RANBP2: variants seen among roughly 807,000 people sequenced by gnomAD.
The protein encoded by RANBP2 is RAN binding protein 2, also known as E3 SUMO-protein ligase RanBP2.
RANBP2 carries 57 observed loss-of-function variants against 303.6 expected under a neutral mutation model. The ratio of observed to expected loss-of-function variants is 0.19; its 90% CI spans 0.15 to 0.23. The LOEUF (loss-of-function observed/expected upper bound fraction) is 0.23, where lower values mean the gene tolerates loss of function less well. Among genes scored for constraint, RANBP2 ranks in the 10% least tolerant of loss-of-function variants. The probability of loss-of-function intolerance (pLI) is 1.00; values close to 1 mark genes in which losing one functional copy is unlikely to be tolerated. For synonymous variants in RANBP2, 1,167 were observed against 1,301.5 expected (o/e 0.90, Z 2.23); for missense variants, 3,138 against 3,780.8 (o/e 0.83, Z 4.46).
chr2:109,652,437 G>A, the RANBP2 span, among the ~76,000 whole-genome samples: 1 of 152,284 alleles, frequency 6.6e-6, no homozygotes, highest in African/African-American at 2.4e-5. Flanking sequence ...GTGTTAGCCA[G>A]GATGGTCTTG....
Position 108,729,212 on chromosome 2 carries a change from T to C in RANBP2, c.140+13T>C, listed in dbSNP as rs779150518. 10 of 1,562,918 alleles carry C rather than the reference T, an allele frequency of 6.4e-6. No individual in the cohort carries two copies. In the Admixed American group the frequency reaches 1.0e-4, roughly 16 times the overall value. ...ATCTTGCTAAAAAGTAAGTACAAAC[T>C]GTAACATGTATTTTTTTTTTAAAAT... On this transcript the variant is annotated intron_variant, in intron 2 of 28. Transcript: ENST00000283195.
rs527879548 is a variant in RANBP2, at chr2:108,770,738, G to A, written c.7850-963G>A. Among the ~76,000 whole-genome samples the A allele has an allele frequency of 1.1e-4, 16 of 152,268 alleles. No homozygotes were observed. The South Asian group carries it at 3.3e-3, about 32-fold the overall frequency. ...TATTGATAGATTTGATTTAACTTAT[G>A]TCCAAAATATCATTTTAACTTCTAA... On this transcript the variant is annotated intron_variant, in intron 20 of 28. Transcript: ENST00000283195.
chr2:108,799,771 T>C, the RANBP2 span, among the ~76,000 whole-genome samples: 1 of 152,182 alleles, frequency 6.6e-6, no homozygotes, highest in Non-Finnish European at 1.5e-5. Context: ...CCTTGTGCTA[T>C]TTCCCCAAAG....
chr2:109,031,386 C>T, the RANBP2 span, among the ~76,000 whole-genome samples: 4 of 152,136 alleles, frequency 2.6e-5, no homozygotes, highest in Admixed American at 1.3e-4. Context: ...TTCCTCCAGC[C>T]TTCTTATAAG....
At chr2:109,398,387 C>T in the RANBP2 span, among the ~76,000 whole-genome samples, 1 of 152,146 alleles carries the variant, frequency 6.6e-6, no homozygotes, top group Non-Finnish European at 1.5e-5. Flanking sequence ...CATCATGGCT[C>T]CTGGGGTTTT....
At chr2:109,545,649 C>T in the RANBP2 span, 982 of 1,498,222 alleles carry the variant, frequency 6.6e-4, 6 homozygotes, top group East Asian at 9.4e-3. Context: ...CTATAATTCC[C>T]CAACAAAGGG....
the RANBP2 span, among the ~76,000 whole-genome samples, chr2:109,329,788 C>A: frequency 2.0e-5 from 3 of 152,222 alleles, no homozygotes; most frequent in African/African-American, 7.2e-5. Flanking sequence ...ATAGGCCCAG[C>A]CTCACTTTCA....
At chr2:109,043,320 G>T in the RANBP2 span, among the ~76,000 whole-genome samples, 1 of 152,084 alleles carries the variant, frequency 6.6e-6, no homozygotes, top group African/African-American at 2.4e-5. Flanking sequence ...GAGCTCTTTA[G>T]TAGGGAAGAT....
At chr2:108,768,933 C>T (rs978920559) in intron 20 of RANBP2, among the ~76,000 whole-genome samples, 2 of 151,624 alleles carry the variant, frequency 1.3e-5, no homozygotes, top group African/African-American at 4.8e-5. Context: ...ACTTAGGAGG[C>T]TGAGGCAGGA....
At chr2:109,503,871 A>C in the RANBP2 span, 1 of 152,204 alleles carries the variant, frequency 6.6e-6, no homozygotes, top group Non-Finnish European at 1.5e-5. Flanking sequence ...GACACAGCCC[A>C]CTGCATGCAG....
the RANBP2 span, among the ~76,000 whole-genome samples, chr2:109,231,573 CATG>C: frequency 6.6e-6 from 1 of 152,164 alleles, no homozygotes; most frequent in East Asian, 1.9e-4. Flanking sequence ...TTCTTTATTC[CATG>C]ATAAGCTACT....
chr2:109,645,438 A>G, the RANBP2 span, among the ~76,000 whole-genome samples: 1 of 152,224 alleles, frequency 6.6e-6, no homozygotes, highest in Non-Finnish European at 1.5e-5. Flanking sequence ...GTGTAAAGCC[A>G]ATTGTTGCTG....
At chr2:109,170,288 TCTTCTC>T in the RANBP2 span, among the ~76,000 whole-genome samples, 7 of 124,224 alleles carry the variant, frequency 5.6e-5, no homozygotes, top group African/African-American at 2.0e-4. Flanking sequence ...TCTTCTCTTC[TCTTCTC>T]TTCTCTTCTC....
the RANBP2 span, among the ~76,000 whole-genome samples, chr2:109,732,235 G>T: frequency 1.3e-5 from 2 of 152,224 alleles, no homozygotes; most frequent in South Asian, 4.1e-4. Flanking sequence ...CTAGATCCTG[G>T]ACAGACCTAG....
the RANBP2 span, among the ~76,000 whole-genome samples, chr2:109,170,413 T>G: frequency 8.4e-4 from 127 of 152,062 alleles, 1 homozygote; most frequent in African/African-American, 3.0e-3. Flanking sequence ...TGGCACAATC[T>G]CGGCTCACTG....
chr2:109,074,873 T>C, the RANBP2 span, among the ~76,000 whole-genome samples: 2 of 147,828 alleles, frequency 1.4e-5, no homozygotes, highest in African/African-American at 2.5e-5. Flanking sequence ...ATACAAAAAT[T>C]AGCTGGGCAT....
the RANBP2 span, among the ~76,000 whole-genome samples, chr2:108,871,418 T>C: frequency 6.9e-6 from 1 of 144,766 alleles, no homozygotes; most frequent in South Asian, 2.2e-4. Context: ...CTGGGCATGA[T>C]GGTGTGTGCC....
At chr2:108,836,230 T>C in the RANBP2 span, among the ~76,000 whole-genome samples, 3 of 152,338 alleles carry the variant, frequency 2.0e-5, no homozygotes, top group East Asian at 5.8e-4. Context: ...TGACATTAGA[T>C]TTCTCATATG....
At chr2:108,812,756 T>C in the RANBP2 span, 1 of 1,610,242 alleles carries the variant, frequency 6.2e-7, no homozygotes, top group Non-Finnish European at 8.5e-7. Flanking sequence ...TTTTAGATGA[T>C]TACCTTTGAG....
Sources: gnomAD v4.1 joint callset for allele counts (sites outside exome capture counted in the v4.1 genomes callset) on GRCh38, gnomAD v4.1.1 for gene constraint, MANE v1.5 for transcripts, NCBI Gene and HGNC (gene_info 2026-07-23, HGNC 2026-07-21) for gene names.